The following KIAA1217 variants were observed in gnomAD, a reference collection of about 807,000 sequenced individuals.
The protein encoded by KIAA1217 is KIAA1217.
Under a neutral mutation model 163.9 loss-of-function variants are expected in KIAA1217, and 88 were observed. The observed-to-expected ratio is 0.54, with a 90% confidence interval of 0.45 to 0.64. The LOEUF is 0.64. Among genes scored for constraint, KIAA1217 ranks in the 30% least tolerant of loss-of-function variants. KIAA1217 has a pLI of 0.00. For synonymous variants in KIAA1217, 903 were observed against 923.1 expected (o/e 0.98, Z 0.39); for missense variants, 2,372 against 2,475.0 (o/e 0.96, Z 0.88).
rs7907896 is a variant in KIAA1217, at chr10:24,480,577, C to A, written c.1679+6517C>A. Among the ~76,000 whole-genome samples, 689 of 152,266 alleles carry A rather than the reference C, an allele frequency of 4.5e-3. 5 individuals carry two copies. Among genetic ancestry groups the A allele is most frequent in the African/African-American group, 0.015 (616 of 41,550 alleles). ...ATAGAGATAATAATAGTATCTACCC[C>A]ACAGGATGCAACAACTCATTACAGT... On this transcript the variant is annotated intron_variant, in intron 6 of 20. Coordinates refer to ENST00000376454, the MANE Select transcript of KIAA1217 (RefSeq NM_019590.5).
chr10:24,155,818 A>T (rs1049525247), intron 2 of KIAA1217, among the ~76,000 whole-genome samples: 1 of 151,760 alleles, frequency 6.6e-6, no homozygotes, highest in African/African-American at 2.4e-5. Flanking sequence ...TGAGACTCTG[A>T]CTTGGAATAA....
intron 4 of KIAA1217, among the ~76,000 whole-genome samples, chr10:24,437,890 C>T (rs1362018470): frequency 2.1e-5 from 2 of 95,502 alleles, no homozygotes; most frequent in Non-Finnish European, 3.9e-5. Flanking sequence ...TTTCAGTTGC[C>T]GAAAGTGTTT....
At chr10:24,340,491 C>CT (rs956317070) in intron 2 of KIAA1217, among the ~76,000 whole-genome samples, 8 of 152,138 alleles carry the variant, frequency 5.3e-5, no homozygotes, top group South Asian at 2.1e-4. Context: ...TCCATTAAAC[C>CT]TTTTTTTCTT....
At chr10:24,241,470 C>CAGT (rs2131305574) in intron 2 of KIAA1217, among the ~76,000 whole-genome samples, 1 of 152,224 alleles carries the variant, frequency 6.6e-6, no homozygotes, top group South Asian at 2.1e-4. Flanking sequence ...ATAGGAGCTC[C>CAGT]AGTACTGCAC....
intron 6 of KIAA1217, among the ~76,000 whole-genome samples, chr10:24,475,856 C>T (rs943098493): frequency 2.0e-5 from 3 of 152,136 alleles, no homozygotes; most frequent in Admixed American, 2.0e-4. Flanking sequence ...ACACCTGTCC[C>T]CTTTGGCAGG....
At chr10:24,005,247 A>T (rs1846939516) in intron 1 of KIAA1217, among the ~76,000 whole-genome samples, 1 of 152,174 alleles carries the variant, frequency 6.6e-6, no homozygotes, top group South Asian at 2.1e-4. Context: ...ACATGAGATA[A>T]TGTATGGGGA....
chr10:23,705,769 T>C (rs1195478744), intron 1 of KIAA1217, among the ~76,000 whole-genome samples: 1 of 152,122 alleles, frequency 6.6e-6, no homozygotes, highest in African/African-American at 2.4e-5. Context: ...TCAATTTCTG[T>C]GAAAAAGAAA....
chr10:24,511,167 A>AG (rs2069096868), intron 9 of KIAA1217, among the ~76,000 whole-genome samples: 1 of 142,000 alleles, frequency 7.0e-6, no homozygotes, highest in African/African-American at 2.6e-5. Context: ...AAAAAAAAAA[A>AG]AAAAAAGGAG....
chr10:24,100,415 A>T (rs2062366773), intron 2 of KIAA1217, among the ~76,000 whole-genome samples: 1 of 152,212 alleles, frequency 6.6e-6, no homozygotes, highest in African/African-American at 2.4e-5. Context: ...TAAATACATT[A>T]ATTACTTTGG....
intron 2 of KIAA1217, among the ~76,000 whole-genome samples, chr10:24,048,506 G>A (rs1313422355): frequency 2.0e-5 from 3 of 152,146 alleles, no homozygotes; most frequent in Non-Finnish European, 4.4e-5. Flanking sequence ...CAAGGCGGGT[G>A]GATTACTTGA....
At chr10:24,524,806 C>G (rs1358909285) in intron 13 of KIAA1217, 42 bp downstream of exon 13, 5 of 1,479,794 alleles carry the variant, frequency 3.4e-6, no homozygotes, top group Non-Finnish European at 3.7e-6. Context: ...ATAAAGGAGT[C>G]TGATACATGG....
At chr10:24,154,292 G>T (rs1338379472) in intron 2 of KIAA1217, among the ~76,000 whole-genome samples, 1 of 151,976 alleles carries the variant, frequency 6.6e-6, no homozygotes, top group Non-Finnish European at 1.5e-5. Context: ...GCCAGACGTG[G>T]TGACACACGC....
In KIAA1217 at chr10:24,520,689, A is replaced by ACACAC. The variant is rs763777354; in HGVS notation, c.2308+436_2308+437insCACAC. 1.6e-3 allele frequency among the ~76,000 whole-genome samples: 168 copies of ACACAC among 103,136 alleles called. 1 individual carries two copies. Among genetic ancestry groups the ACACAC allele is most frequent in the East Asian group, 5.3e-3 (17 of 3,206 alleles). The allele number at this position is 103,136 out of a possible 152,430, so 67.7% of individuals were successfully genotyped here. A position where few individuals can be genotyped will look rare whatever the true frequency, so the allele number is the denominator to read the frequency against. On this transcript the variant is annotated intron_variant, in intron 11 of 20. Coordinates refer to ENST00000376454, the MANE Select transcript of KIAA1217 (RefSeq NM_019590.5). ...ATATATATATATACACACACACACA[A>ACACAC]AAAAAAATTAGCCAGGTGTGGTGGT...
Position 23,749,105 on chromosome 10 carries a change from C to T in KIAA1217, c.-321+53871C>T, listed in dbSNP as rs148107109. 3.3e-4 allele frequency among the ~76,000 whole-genome samples: 50 copies of T among 152,322 alleles called. 1 individual carries two copies. In the East Asian group the frequency reaches 9.3e-3, roughly 28 times the overall value. On this transcript the variant is annotated intron_variant, in intron 1 of 18. Transcript: ENST00000376462. ...TTAGTGTTCATAAAAATGTTCTCTA[C>T]ACCACTGACTTCAATTCCTCACCAC...
intron 3 of KIAA1217, among the ~76,000 whole-genome samples, chr10:24,384,789 G>A (rs189325471): frequency 1.2e-4 from 18 of 152,336 alleles, no homozygotes; most frequent in South Asian, 6.2e-4. Flanking sequence ...GCCTGCCTTG[G>A]CCTCCTAAAG....
intron 1 of KIAA1217, among the ~76,000 whole-genome samples, chr10:23,930,984 G>A (rs1843231498): frequency 6.6e-6 from 1 of 152,120 alleles, no homozygotes; most frequent in Admixed American, 6.5e-5. Context: ...AAGAATACAT[G>A]CATATCTTAA....
chr10:24,187,735 A>G (rs1017876697), intron 2 of KIAA1217, among the ~76,000 whole-genome samples: 1 of 151,980 alleles, frequency 6.6e-6, no homozygotes, highest in Admixed American at 6.6e-5. Flanking sequence ...TACTAAAAAA[A>G]CGAAATTAGC....
At chr10:24,154,560 C>T (rs151206384) in intron 2 of KIAA1217, among the ~76,000 whole-genome samples, 3 of 152,166 alleles carry the variant, frequency 2.0e-5, no homozygotes, top group East Asian at 1.9e-4. Flanking sequence ...CCTGGAGTAG[C>T]CAAATTCATA....
At chr10:23,732,619 T>C (rs1443399516) in intron 1 of KIAA1217, among the ~76,000 whole-genome samples, 1 of 152,182 alleles carries the variant, frequency 6.6e-6, no homozygotes, top group Non-Finnish European at 1.5e-5. Flanking sequence ...ATTTTCTCTA[T>C]TGATCTCCTG....
Sources: gnomAD v4.1 joint callset for allele counts (sites outside exome capture counted in the v4.1 genomes callset) on GRCh38, gnomAD v4.1.1 for gene constraint, MANE v1.5 for transcripts, NCBI Gene and HGNC (gene_info 2026-07-23, HGNC 2026-07-21) for gene names.